Variants in RAD50 observed in about 807,000 individuals in gnomAD.
The protein encoded by RAD50 is DNA repair protein RAD50.
Under a neutral mutation model 168.8 loss-of-function variants are expected in RAD50, and 132 were observed. That is an observed-to-expected ratio of 0.78 (90% CI 0.68 to 0.90). RAD50 has a LOEUF of 0.90. RAD50 is among the 40% of genes least tolerant of loss of function. RAD50 has a pLI of 0.00. For missense variants in RAD50, 1,347 were observed against 1,534.4 expected (o/e 0.88, Z 2.04); for synonymous variants, 525 against 497.4 (o/e 1.06, Z -0.74).
At chr5:132,588,459 G>A (rs1750635070) in intron 7 of RAD50, among the ~76,000 whole-genome samples, 1 of 151,962 alleles carries the variant, frequency 6.6e-6, no homozygotes, top group South Asian at 2.1e-4. Flanking sequence ...CATGCTCAGG[G>A]GTACAAATAA....
intron 2 of RAD50, among the ~76,000 whole-genome samples, chr5:132,561,993 C>A (rs1750133122): frequency 6.6e-6 from 1 of 152,204 alleles, no homozygotes; most frequent in African/African-American, 2.4e-5. Context: ...CTCTCTCTTT[C>A]TCACAGAGTA....
At chr5:132,633,190 C>T (rs1166912794) in intron 21 of RAD50, among the ~76,000 whole-genome samples, 1 of 150,572 alleles carries the variant, frequency 6.6e-6, no homozygotes, top group Non-Finnish European at 1.5e-5. Flanking sequence ...CTTCCGCCTC[C>T]ATCTCCCGGG....
intron 19 of RAD50, among the ~76,000 whole-genome samples, chr5:132,611,859 T>G (rs1313436513): frequency 6.6e-6 from 1 of 152,098 alleles, no homozygotes; most frequent in African/African-American, 2.4e-5. Flanking sequence ...TCGCAGGGCT[T>G]TAAAAAAAAT....
intron 13 of RAD50, among the ~76,000 whole-genome samples, chr5:132,600,572 T>C (rs1750871271): frequency 1.3e-5 from 2 of 152,160 alleles, no homozygotes; most frequent in South Asian, 2.1e-4. Context: ...ACATCATGAC[T>C]GAGATCTCAG....
chr5:132,585,016 T>TG (rs1260672179), intron 5 of RAD50, among the ~76,000 whole-genome samples: 1 of 151,686 alleles, frequency 6.6e-6, no homozygotes, highest in Non-Finnish European at 1.5e-5. Flanking sequence ...AGTTAATGGG[T>TG]GCAGCACACC....
intron 20 of RAD50, 69 bp from the exon 21 acceptor site, chr5:132,617,999 CTA>C: frequency 8.1e-7 from 1 of 1,236,090 alleles, no homozygotes; most frequent in Non-Finnish European, 1.2e-6. Context: ...CTAAAGAAAT[CTA>C]TGACTTTTCC....
At chr5:132,571,365 G>A (rs577828096) in intron 2 of RAD50, among the ~76,000 whole-genome samples, 11 of 152,258 alleles carry the variant, frequency 7.2e-5, no homozygotes, top group African/African-American at 2.6e-4. Flanking sequence ...ATTCATTCAG[G>A]TAAGAAACAG....
At chr5:132,567,422 T>C (rs917952530) in intron 2 of RAD50, among the ~76,000 whole-genome samples, 11 of 152,192 alleles carry the variant, frequency 7.2e-5, no homozygotes, top group Non-Finnish European at 1.5e-4. Flanking sequence ...CTTTGGCACA[T>C]GGAATTGGAA....
intron 11 of RAD50, among the ~76,000 whole-genome samples, chr5:132,592,370 TTTAAAG>T (rs1348089690): frequency 3.3e-5 from 5 of 152,120 alleles, no homozygotes; most frequent in Non-Finnish European, 7.4e-5. Context: ...ATGGGTGCCC[TTTAAAG>T]ATTTTTTTAA....
intron 2 of RAD50, among the ~76,000 whole-genome samples, chr5:132,560,077 C>CAA (rs760237977): frequency 7.2e-6 from 1 of 139,392 alleles, no homozygotes; most frequent in Non-Finnish European, 1.5e-5. Flanking sequence ...CACACACACA[C>CAA]ATATATATAT....
intron 5 of RAD50, among the ~76,000 whole-genome samples, chr5:132,584,592 T>C (rs1039551134): frequency 1.3e-5 from 2 of 152,218 alleles, no homozygotes; most frequent in African/African-American, 4.8e-5. Context: ...ATCCCATTAC[T>C]GGGTATATAC....
chr5:132,606,700 C>T (rs1205944827), intron 16 of RAD50, among the ~76,000 whole-genome samples: 2 of 151,894 alleles, frequency 1.3e-5, no homozygotes, highest in African/African-American at 4.8e-5. Context: ...CCCTGATGAA[C>T]ATCGATGCAA....
intron 3 of RAD50, among the ~76,000 whole-genome samples, chr5:132,577,673 A>G (rs1216349790): frequency 6.6e-6 from 1 of 151,962 alleles, no homozygotes; most frequent in African/African-American, 2.4e-5. Flanking sequence ...TTTTCTTCCT[A>G]GGTAATCACA....
intron 23 of RAD50, 89 bp downstream of exon 23, chr5:132,638,312 A>G (rs1481151817): frequency 3.4e-6 from 5 of 1,469,360 alleles, no homozygotes; most frequent in Admixed American, 1.8e-5. Context: ...ACCCAAGGCT[A>G]CACCTGAATG....
At chr5:132,565,912 G>A (rs1224760772) in intron 2 of RAD50, among the ~76,000 whole-genome samples, 2 of 152,060 alleles carry the variant, frequency 1.3e-5, no homozygotes, top group African/African-American at 4.8e-5. Context: ...TCCCCATGAG[G>A]GTACCCTTCT....
In RAD50 at chr5:132,628,828, C is replaced by T. The variant is rs185679680; in HGVS notation, c.3390-8287C>T. On this transcript the variant is annotated intron_variant, in intron 21 of 24. Coordinates refer to ENST00000378823, the MANE Select transcript of RAD50 (RefSeq NM_005732.4). The stretch of plus-strand genomic sequence containing the variant: ...TGCCATTGTACTCCAGCCTGGGCAA[C>T]AAGAGAAAAAAACTGTCTCAGAAAA... 2.0e-4 allele frequency among the ~76,000 whole-genome samples: 30 copies of T among 148,214 alleles called. No individual in the cohort carries two copies. The East Asian group carries it at 5.9e-3, about 29-fold the overall frequency.
At chr5:132,560,601 C>T (rs375058991) in intron 2 of RAD50, among the ~76,000 whole-genome samples, 2 of 152,202 alleles carry the variant, frequency 1.3e-5, no homozygotes. Flanking sequence ...TACGAAACTA[C>T]TGTACATACG....
rs1020448147 is a variant in RAD50, at chr5:132,573,186, G to A, written c.214-2591G>A. Among the ~76,000 whole-genome samples the A allele has an allele frequency of 3.3e-5, 5 of 152,178 alleles. No homozygotes were observed. The East Asian group carries it at 5.8e-4, about 18-fold the overall frequency. On this transcript the variant is annotated intron_variant, in intron 2 of 24. Coordinates refer to ENST00000378823, the MANE Select transcript of RAD50 (RefSeq NM_005732.4). Reference sequence around the variant, plus strand: ...CTCATGTGGTTTGGGGGGCAGGAAAGCTATGTATACTGTAGTTCTGTGTAT... The same window carrying A: ...CTCATGTGGTTTGGGGGGCAGGAAAACTATGTATACTGTAGTTCTGTGTAT...
At chr5:132,607,144 GGAA>G (rs1310975450) in intron 16 of RAD50, among the ~76,000 whole-genome samples, 1 of 152,186 alleles carries the variant, frequency 6.6e-6, no homozygotes, top group East Asian at 1.9e-4. Flanking sequence ...AAAGATTTCT[GGAA>G]GAAGGAGTTT....
Sources: allele counts gnomAD v4.1 joint callset (sites outside exome capture counted in the v4.1 genomes callset), GRCh38; gene constraint gnomAD v4.1.1; transcripts MANE v1.5; gene names NCBI Gene and HGNC (gene_info 2026-07-23, HGNC 2026-07-21).